KCNU1: variants seen among roughly 807,000 people sequenced by gnomAD.
KCNU1 encodes potassium channel subfamily U member 1.
KCNU1 carries 93 observed loss-of-function variants against 126.8 expected under a neutral mutation model. That is an observed-to-expected ratio of 0.73 (90% confidence interval 0.62 to 0.87). The LOEUF (loss-of-function observed/expected upper bound fraction) is 0.87, where lower values mean the gene tolerates loss of function less well. Among genes scored for constraint, KCNU1 ranks in the 40% least tolerant of loss-of-function variants. The pLI is 0.00. For missense variants in KCNU1, 1,330 were observed against 1,367.1 expected, an observed-to-expected ratio of 0.97 and a Z score of 0.43; for synonymous variants, 523 against 494.2, an observed-to-expected ratio of 1.06 and a Z score of -0.77.
chr8:36,891,788 C>T (rs1179530176), intron 19 of KCNU1, among the ~76,000 whole-genome samples: 2 of 151,878 alleles, frequency 1.3e-5, no homozygotes, highest in East Asian at 3.9e-4. Context: ...TCTTCCACTG[C>T]CTTCTGGCTT....
chr8:36,929,266 A>G (rs531739428), intron 24 of KCNU1, among the ~76,000 whole-genome samples: 4 of 151,668 alleles, frequency 2.6e-5, no homozygotes, highest in Non-Finnish European at 5.9e-5. Context: ...CAACTGTAAT[A>G]CCAGCTACTT....
intron 7 of KCNU1, 94 bp downstream of exon 7, chr8:36,808,887 T>A (rs1803605578): frequency 1.2e-6 from 1 of 833,568 alleles, no homozygotes; most frequent in African/African-American, 1.7e-5. Context: ...CCTGTCTCCA[T>A]CACTGTAAGC....
At chr8:36,916,844 C>A (rs189254779) in intron 22 of KCNU1, among the ~76,000 whole-genome samples, 59 of 152,290 alleles carry the variant, frequency 3.9e-4, no homozygotes, top group Admixed American at 3.5e-3. Context: ...ATCCTACATT[C>A]ATTACTCAGA....
chr8:36,916,936 G>A (rs1310997661), intron 22 of KCNU1, among the ~76,000 whole-genome samples: 1 of 152,174 alleles, frequency 6.6e-6, no homozygotes, highest in Admixed American at 6.5e-5. Flanking sequence ...TAGTGAGGTG[G>A]AAAAGGTGTG....
chr8:36,932,875 G>C, intron 25 of KCNU1, 45 bp from the exon 26 acceptor site: 7 of 1,133,166 alleles, frequency 6.2e-6, no homozygotes, highest in Non-Finnish European at 9.1e-6. Flanking sequence ...ATAATTGCTT[G>C]ATCAAAGTGC....
chr8:36,911,004 C>G lies in KCNU1; in HGVS notation c.2406C>G (p.Pro802=), dbSNP rs777329569. The G allele has an allele frequency of 5.6e-6, 9 of 1,613,582 alleles. No homozygotes were observed. In the East Asian group the frequency reaches 1.1e-4, roughly 20 times the overall value. Residue 802 remains proline, a synonymous_variant, in exon 22 of 27, where the codon CCC becomes CCG. Coordinates refer to ENST00000399881, the MANE Select transcript of KCNU1 (RefSeq NM_001031836.3). ...EQCSMCAVLS[P]PPQPSSNQTL... is the part of the protein sequence containing the mutation. ...GCTCCATGTGTGCTGTCTTGTCCCC[C>G]CCACCCCAGCCATCAAGCAACCAGA...
rs1005565747 is a variant in KCNU1, at chr8:36,922,521, G to C, written c.2628G>C (p.Gln876His). The change falls in exon 24 of 27, where the codon CAG (glutamine) becomes CAC (histidine). Residue 876 changes from glutamine to histidine, a missense_variant. By Grantham distance (24) the Gln-to-His change is conservative (BLOSUM62 0). Around this residue, in one of 3 missense-constraint regions of KCNU1, gnomAD observed 1,054 missense variants for 1,053.9 expected, o/e 1.00. Coordinates refer to ENST00000399881, the MANE Select transcript of KCNU1 (RefSeq NM_001031836.3). ...KNPSNIHFIE[Q>H]LGGLEGSLQE... Reference sequence around the variant, plus strand: ...CTTCCAACATTCACTTTATTGAACAGCTTGGTGGACTGGAAGGGTCCCTCC... The same window carrying C: ...CTTCCAACATTCACTTTATTGAACACCTTGGTGGACTGGAAGGGTCCCTCC... 8 of 1,613,418 alleles carry C rather than the reference G, an allele frequency of 5.0e-6. No homozygotes were observed. Among genetic ancestry groups the C allele is most frequent in the Non-Finnish European group, 6.8e-6 (8 of 1,179,636 alleles).
intron 26 of KCNU1, among the ~76,000 whole-genome samples, chr8:36,934,759 G>A (rs544681812): frequency 6.6e-6 from 1 of 152,194 alleles, no homozygotes; most frequent in East Asian, 1.9e-4. Context: ...AGGCAATGCA[G>A]GATGAAAGCC....
At chr8:36,794,980 C>T (rs1413492575) in intron 2 of KCNU1, among the ~76,000 whole-genome samples, 1 of 151,964 alleles carries the variant, frequency 6.6e-6, no homozygotes, top group African/African-American at 2.4e-5. Flanking sequence ...TGAAAGTCCA[C>T]CCCAAGCTGA....
intron 19 of KCNU1, among the ~76,000 whole-genome samples, chr8:36,898,068 A>G (rs1432218026): frequency 1.3e-5 from 2 of 152,040 alleles, no homozygotes; most frequent in African/African-American, 2.4e-5. Context: ...GTGGTCCTCA[A>G]TGCATCATTG....
intron 10 of KCNU1, among the ~76,000 whole-genome samples, chr8:36,822,219 TACAC>T (rs1169565171): frequency 3.3e-5 from 5 of 151,716 alleles, no homozygotes; most frequent in Non-Finnish European, 1.5e-5. Flanking sequence ...AAAAAATAAA[TACAC>T]ACACATCTAT....
chr8:36,910,844 A>G, intron 21 of KCNU1, 86 bp from the exon 22 acceptor site: 2 of 907,160 alleles, frequency 2.2e-6, no homozygotes, highest in East Asian at 2.6e-5. Flanking sequence ...CAAAAATTAC[A>G]TCACTCACAA....
intron 19 of KCNU1, among the ~76,000 whole-genome samples, chr8:36,885,251 C>A (rs1806650748): frequency 1.3e-5 from 2 of 152,054 alleles, no homozygotes; most frequent in South Asian, 4.1e-4. Context: ...GAAAAAGTAA[C>A]CATTGTGAAA....
At chr8:36,855,980 A>G (rs993377386) in intron 18 of KCNU1, among the ~76,000 whole-genome samples, 2 of 152,176 alleles carry the variant, frequency 1.3e-5, no homozygotes, top group African/African-American at 4.8e-5. Context: ...TTTAGTCCAC[A>G]ACAGTCACAT....
intron 20 of KCNU1, 63 bp from the exon 21 acceptor site, chr8:36,909,248 C>T: frequency 1.0e-6 from 1 of 990,116 alleles, no homozygotes; most frequent in Non-Finnish European, 1.6e-6. Context: ...AAGAGGGGGC[C>T]TACTTGGAGG....
intron 16 of KCNU1, among the ~76,000 whole-genome samples, chr8:36,842,621 G>A (rs1208995764): frequency 6.6e-6 from 1 of 152,154 alleles, no homozygotes; most frequent in African/African-American, 2.4e-5. Context: ...TTAGTAACAA[G>A]TTTGTCTTTC....
intron 7 of KCNU1, among the ~76,000 whole-genome samples, chr8:36,811,569 A>G (rs1178139922): frequency 6.6e-6 from 1 of 152,198 alleles, no homozygotes; most frequent in Non-Finnish European, 1.5e-5. Flanking sequence ...TTAATAGCTT[A>G]ATGATAAAAT....
Position 36,913,683 on chromosome 8 carries a change from G to T in KCNU1, c.2521+2564G>T, listed in dbSNP as rs555650788. On this transcript the variant is annotated intron_variant, in intron 22 of 26. Coordinates refer to ENST00000399881, the MANE Select transcript of KCNU1 (RefSeq NM_001031836.3). ...GTGGTGCGATCTTGGCTCACTGCAA[G>T]CTCCGCCTCCCAGGTTCATGCCATT... is the stretch of plus-strand genomic sequence containing the variant. Among the ~76,000 whole-genome samples the T allele has an allele frequency of 2.2e-4, 33 of 150,018 alleles. No individual in the cohort carries two copies. In the East Asian group the frequency reaches 3.8e-3, roughly 17 times the overall value.
rs756824059 is a variant in KCNU1, at chr8:36,911,094, C to T, written c.2496C>T (p.Ser832=). ...LTIGSLQIDS[S]SDPSPSVSEE... ...TCGGATCCTTGCAAATTGACTCCTC[C>T]TCTGACCCGTCACCCTCAGTGTCAG... Residue 832 remains serine, a synonymous_variant, in exon 22 of 27, where the codon TCC becomes TCT. Transcript: ENST00000399881. 1.4e-5 allele frequency: 23 copies of T among 1,613,314 alleles called. No individual in the cohort carries two copies. The African/African-American group carries it at 2.8e-4, about 20-fold the overall frequency.
Sources: gnomAD v4.1 joint callset for allele counts (sites outside exome capture counted in the v4.1 genomes callset) on GRCh38, gnomAD v4.1.1 for gene constraint, gnomAD v4.1.1 regional missense constraint, MANE v1.5 for transcripts, NCBI Gene and HGNC (gene_info 2026-07-23, HGNC 2026-07-21) for gene names.